Variants in ZMYM6 observed in about 807,000 individuals in gnomAD.
ZMYM6 encodes the protein zinc finger MYM-type containing 6.
ZMYM6 carries 90 observed loss-of-function variants against 134.0 expected under a neutral mutation model. The ratio of observed to expected loss-of-function variants is 0.67; its 90% CI spans 0.57 to 0.80. The LOEUF (loss-of-function observed/expected upper bound fraction) is 0.80. Among genes scored for constraint, ZMYM6 ranks in the 30% least tolerant of loss-of-function variants. The pLI is 0.00. For missense variants in ZMYM6, 1,362 were observed against 1,533.9 expected, an observed-to-expected ratio of 0.89 and a Z score of 1.87; for synonymous variants, 481 against 524.1, an observed-to-expected ratio of 0.92 and a Z score of 1.12.
chr1:35,015,038 A>C lies in ZMYM6; in HGVS notation c.553T>G (p.Tyr185Asp). The change falls in exon 5 of 16, where the codon TAT (tyrosine) becomes GAT (aspartate). Residue 185 changes from tyrosine to aspartate, a missense_variant. Around this residue, in one of 3 missense-constraint regions of ZMYM6, gnomAD observed 503 missense variants for 520.8 expected, o/e 0.97. Transcript: ENST00000357182. ...ELKKKPVVTIYTKSISTKCSM... is the reference protein window; with the variant it reads ...ELKKKPVVTIDTKSISTKCSM... The stretch of plus-strand genomic sequence containing the variant: ...CACTTAGTTGAAATGCTTTTGGTAT[A>C]TATGGTAACAACAGGTTTTTTCTTT... The C allele has an allele frequency of 6.2e-7, 1 of 1,613,750 alleles. No homozygotes were observed. The highest frequency in any genetic ancestry group is 8.5e-7 in the Non-Finnish European group (1 of 1,179,938).
intron 12 of ZMYM6, among the ~76,000 whole-genome samples, chr1:35,005,629 C>CA (rs1182722333): frequency 0.17 from 10,095 of 58,818 alleles, 1,426 homozygotes; most frequent in African/African-American, 0.36. Context: ...AACCTAGTCT[C>CA]AAAAAAAAAA....
At chr1:34,999,192 G>A (rs1640838257) in intron 14 of ZMYM6, among the ~76,000 whole-genome samples, 1 of 152,218 alleles carries the variant, frequency 6.6e-6, no homozygotes, top group East Asian at 1.9e-4. Flanking sequence ...TGTCCTGGAA[G>A]TTGAATGAAG....
At chr1:34,995,272 T>TTTCAGG (rs1401961454) in intron 14 of ZMYM6, among the ~76,000 whole-genome samples, 1 of 149,022 alleles carries the variant, frequency 6.7e-6, no homozygotes, top group East Asian at 2.0e-4. Context: ...TGATTCATGG[T>TTTCAGG]TTCAGGCAAC....
At chr1:35,023,121 CTTTT>C (rs1194788720) in intron 2 of ZMYM6, among the ~76,000 whole-genome samples, 6 of 147,452 alleles carry the variant, frequency 4.1e-5, no homozygotes, top group Non-Finnish European at 7.5e-5. Context: ...TTTTTTTTTT[CTTTT>C]GAGATGGAGT....
chr1:34,988,517 T>C lies in ZMYM6; in HGVS notation c.2565A>G (p.Pro855=), dbSNP rs1469724498. 1.9e-6 allele frequency: 3 copies of C among 1,550,994 alleles called. No individual in the cohort carries two copies. Among genetic ancestry groups the C allele is most frequent in the Non-Finnish European group, 2.6e-6 (3 of 1,146,740 alleles). Residue 855 remains proline, a synonymous_variant, in exon 16 of 16, where the codon CCA becomes CCG. Coordinates refer to ENST00000357182, the MANE Select transcript of ZMYM6 (RefSeq NM_007167.4). Reference sequence around the variant, plus strand: ...CTTCTGAACACATTTCTACTAAATATGGTTTAATTAATTCTTCAGCAATGG... The same window carrying C: ...CTTCTGAACACATTTCTACTAAATACGGTTTAATTAATTCTTCAGCAATGG... ...PFSIAEELIK[P]YLVEMCSEVL...
intron 7 of ZMYM6, 52 bp from the exon 8 acceptor site, chr1:35,012,057 A>G: frequency 4.4e-6 from 5 of 1,136,994 alleles, no homozygotes; most frequent in Non-Finnish European, 6.3e-6. Flanking sequence ...ATGAACAAAC[A>G]ATACAAAAAT....
intron 14 of ZMYM6, among the ~76,000 whole-genome samples, chr1:34,996,500 C>T (rs1010145672): frequency 6.6e-6 from 1 of 152,114 alleles, no homozygotes; most frequent in Non-Finnish European, 1.5e-5. Flanking sequence ...TTCAATTATC[C>T]TTAGAGGCAA....
chr1:35,013,320 C>G, intron 6 of ZMYM6: 1 of 950,192 alleles, frequency 1.1e-6, no homozygotes, highest in South Asian at 4.9e-5. Context: ...CTCCAAAGTT[C>G]AGGCTCCTAA....
intron 15 of ZMYM6, 50 bp from the exon 16 acceptor site, chr1:34,988,985 G>A: frequency 6.4e-7 from 1 of 1,568,624 alleles, no homozygotes; most frequent in Non-Finnish European, 8.6e-7. Context: ...AATAAGCAAT[G>A]TTCTTTATGT....
chr1:35,013,969 C>T (rs1378714435), intron 6 of ZMYM6, among the ~76,000 whole-genome samples: 1 of 152,184 alleles, frequency 6.6e-6, no homozygotes, highest in African/African-American at 2.4e-5. Flanking sequence ...GGATTACAGG[C>T]GTGAGCCACC....
intron 8 of ZMYM6, among the ~76,000 whole-genome samples, chr1:35,011,669 G>A (rs1210554237): frequency 6.6e-6 from 1 of 152,200 alleles, no homozygotes; most frequent in African/African-American, 2.4e-5. Flanking sequence ...GGGAATGACA[G>A]TTTAGGCTAG....
At chr1:35,001,164 T>C (rs887426810) in intron 14 of ZMYM6, among the ~76,000 whole-genome samples, 1 of 152,182 alleles carries the variant, frequency 6.6e-6, no homozygotes, top group African/African-American at 2.4e-5. Flanking sequence ...TGTAATTTTC[T>C]GTATTTTTCA....
chr1:35,028,650 C>A (rs1641459978), intron 2 of ZMYM6, among the ~76,000 whole-genome samples: 1 of 151,566 alleles, frequency 6.6e-6, no homozygotes, highest in Non-Finnish European at 1.5e-5. Flanking sequence ...CAGGCGCCCA[C>A]CACCACGCCC....
Position 34,993,943 on chromosome 1 carries a change from C to T in ZMYM6, c.1993-1556G>A, listed in dbSNP as rs369377825. Among the ~76,000 whole-genome samples, 14 of 152,070 alleles carry T rather than the reference C, an allele frequency of 9.2e-5. No individual in the cohort carries two copies. In the East Asian group the frequency reaches 2.7e-3, roughly 29 times the overall value. Reference sequence around the variant, plus strand: ...CTCGTGATCCACCCACCTTGGCCTCCCAAAGTGCTGGGACTACAGGCGTAA... The same window carrying T: ...CTCGTGATCCACCCACCTTGGCCTCTCAAAGTGCTGGGACTACAGGCGTAA... On this transcript the variant is annotated intron_variant, in intron 14 of 15. Coordinates refer to ENST00000357182, the MANE Select transcript of ZMYM6 (RefSeq NM_007167.4).
At chr1:35,020,172 T>C (rs1413595278) in intron 3 of ZMYM6, among the ~76,000 whole-genome samples, 4 of 152,222 alleles carry the variant, frequency 2.6e-5, no homozygotes, top group African/African-American at 9.6e-5. Flanking sequence ...AGAAGTTTTA[T>C]GAAACAATAT....
rs773774403 is a variant in ZMYM6, at chr1:35,013,681, GTTTT to G, written c.795+1012_795+1015del. ...ATTATCATTTACAAGATACATCTTT[GTTTT>G]TTTTTTTTGTTTGTTTGTTTGTTTT... On this transcript the variant is annotated intron_variant, in intron 6 of 15. Coordinates refer to ENST00000357182, the MANE Select transcript of ZMYM6 (RefSeq NM_007167.4). 1,589 of 938,280 alleles carry G rather than the reference GTTTT, an allele frequency of 1.7e-3. 12 individuals carry two copies. The African/African-American group carries it at 0.02, about 12-fold the overall frequency. 58.1% of individuals were successfully genotyped at this position (938,280 alleles called of 1,614,324 possible). A position where few individuals can be genotyped will look rare whatever the true frequency, so the allele number is the denominator to read the frequency against.
At chr1:35,016,988 G>C (rs1641213297) in intron 4 of ZMYM6, among the ~76,000 whole-genome samples, 1 of 151,068 alleles carries the variant, frequency 6.6e-6, no homozygotes, top group African/African-American at 2.4e-5. Flanking sequence ...CTGGGTGACA[G>C]AGTGAGACCG....
chr1:35,015,945 CT>C (rs10715166), intron 4 of ZMYM6, among the ~76,000 whole-genome samples: 30,967 of 134,026 alleles, frequency 0.23, 8,293 homozygotes, highest in African/African-American at 0.66. Flanking sequence ...TTTTTTCTTT[CT>C]TTTTTTTTTT....
rs750669230 is a variant in ZMYM6 at position 35,012,608 on chromosome 1, C to T, written c.796-27G>A. ...TATTAAAATAAAATAACATTAGATACCTAGTACAAACATACATATTTACAT... is the reference window on the plus strand; with the variant it reads ...TATTAAAATAAAATAACATTAGATATCTAGTACAAACATACATATTTACAT... On this transcript the variant is annotated intron_variant, in intron 6 of 15. Coordinates refer to ENST00000357182, the MANE Select transcript of ZMYM6 (RefSeq NM_007167.4). The T allele has an allele frequency of 6.8e-6, 11 of 1,609,650 alleles. No individual in the cohort carries two copies. In the East Asian group the frequency reaches 2.0e-4, roughly 29 times the overall value.
Sources: allele counts gnomAD v4.1 joint callset (sites outside exome capture counted in the v4.1 genomes callset), GRCh38; gene constraint gnomAD v4.1.1; regional missense constraint gnomAD v4.1.1; transcripts MANE v1.5; gene names NCBI Gene and HGNC (gene_info 2026-07-23, HGNC 2026-07-21).